Variants in CCDC178 observed in about 807,000 individuals in gnomAD.
CCDC178 encodes coiled-coil domain containing 178.
A neutral mutation model predicts 117.4 loss-of-function variants in CCDC178; 126 were observed. The observed-to-expected ratio is 1.07, with a 90% CI of 0.93 to 1.24. The LOEUF (loss-of-function observed/expected upper bound fraction) is 1.24, where lower values mean the gene tolerates loss of function less well. Among genes scored for constraint, CCDC178 ranks in the 50% most tolerant of loss-of-function variants. The pLI is 0.00. For synonymous variants in CCDC178, 283 were observed against 313.4 expected (o/e 0.90, Z 1.02); for missense variants, 1,030 against 986.9 (o/e 1.04, Z -0.59).
intron 16 of CCDC178, among the ~76,000 whole-genome samples, chr18:33,225,415 C>T (rs2144632875): frequency 6.6e-6 from 1 of 152,288 alleles, no homozygotes; most frequent in African/African-American, 2.4e-5. Context: ...CCGCCTTGGC[C>T]TCCCAAAGTG....
intron 21 of CCDC178, among the ~76,000 whole-genome samples, chr18:33,090,755 A>G (rs1279192201): frequency 6.6e-6 from 1 of 152,192 alleles, no homozygotes; most frequent in Non-Finnish European, 1.5e-5. Flanking sequence ...GGAAGTACAA[A>G]TAAATCTTGA....
intron 2 of CCDC178, among the ~76,000 whole-genome samples, chr18:33,428,320 T>C (rs548354346): frequency 5.8e-4 from 89 of 152,254 alleles, no homozygotes; most frequent in African/African-American, 2.1e-3. Flanking sequence ...AATGATAGCT[T>C]ACACTTAAAA....
chr18:33,417,195 G>T (rs2063954546), intron 2 of CCDC178, among the ~76,000 whole-genome samples: 1 of 152,096 alleles, frequency 6.6e-6, no homozygotes, highest in South Asian at 2.1e-4. Context: ...CTACCTAGAT[G>T]TCTCTCAGTG....
chr18:33,300,806 A>T (rs1005258513), intron 11 of CCDC178, among the ~76,000 whole-genome samples: 5 of 152,216 alleles, frequency 3.3e-5, no homozygotes, highest in African/African-American at 1.2e-4. Context: ...CAAATGAATG[A>T]CTTAAAAGTG....
intron 21 of CCDC178, among the ~76,000 whole-genome samples, chr18:33,058,053 T>C (rs1487210445): frequency 6.6e-6 from 1 of 151,734 alleles, no homozygotes; most frequent in Non-Finnish European, 1.5e-5. Flanking sequence ...GCTGATGGGA[T>C]TGTAAAATGG....
chr18:33,401,625 A>C (rs2063710821), intron 3 of CCDC178, among the ~76,000 whole-genome samples: 1 of 152,064 alleles, frequency 6.6e-6, no homozygotes. Context: ...AATATATTAA[A>C]ATTATAAAAA....
At chr18:33,404,364 C>T (rs554607898) in intron 3 of CCDC178, among the ~76,000 whole-genome samples, 1 of 151,626 alleles carries the variant, frequency 6.6e-6, no homozygotes, top group East Asian at 1.9e-4. Flanking sequence ...ACTCTAAAGA[C>T]AGTCTACTAA....
chr18:33,064,476 T>C (rs1160764926), intron 21 of CCDC178, among the ~76,000 whole-genome samples: 1 of 152,232 alleles, frequency 6.6e-6, no homozygotes, highest in Non-Finnish European at 1.5e-5. Context: ...TGAAGACAGA[T>C]CTTTTGAAAT....
intron 21 of CCDC178, among the ~76,000 whole-genome samples, chr18:33,045,384 G>C (rs952946784): frequency 1.1e-4 from 16 of 152,076 alleles, no homozygotes; most frequent in African/African-American, 3.9e-4. Context: ...AGCCATACTT[G>C]TGTGTCTCTA....
In CCDC178 at chr18:33,055,252, G is replaced by T. The variant is rs2056810462; in HGVS notation, c.2388+37509C>A. On this transcript the variant is annotated intron_variant, in intron 21 of 22. Coordinates refer to ENST00000383096, the MANE Select transcript of CCDC178 (RefSeq NM_001105528.4). ...CACTCTGATGATAGTTTATTTTGCT[G>T]TGCAGAAGCTCTTTAGTTTAATTAG... Among the ~76,000 whole-genome samples, 8 of 152,116 alleles carry T rather than the reference G, an allele frequency of 5.3e-5. No individual in the cohort carries two copies. In the South Asian group the frequency reaches 1.7e-3, roughly 32 times the overall value.
intron 22 of CCDC178, among the ~76,000 whole-genome samples, chr18:32,948,882 T>A (rs2054413416): frequency 6.6e-6 from 1 of 152,114 alleles, no homozygotes. Flanking sequence ...CTATCTAGTG[T>A]CATTTTGTCC....
chr18:33,413,191 A>G (rs1177463974), intron 2 of CCDC178, among the ~76,000 whole-genome samples: 1 of 152,194 alleles, frequency 6.6e-6, no homozygotes, highest in African/African-American at 2.4e-5. Flanking sequence ...TACAAGTCAG[A>G]AAATCTTGAC....
chr18:33,108,952 C>T (rs2057743697), intron 20 of CCDC178, among the ~76,000 whole-genome samples: 1 of 151,624 alleles, frequency 6.6e-6, no homozygotes, highest in African/African-American at 2.4e-5. Context: ...CAAGGTCTTG[C>T]TTCTTCCTTC....
At chr18:33,145,464 T>G (rs2058256589) in intron 20 of CCDC178, among the ~76,000 whole-genome samples, 1 of 152,188 alleles carries the variant, frequency 6.6e-6, no homozygotes, top group African/African-American at 2.4e-5. Context: ...AAGTATGATT[T>G]ATTGGGTATA....
intron 20 of CCDC178, among the ~76,000 whole-genome samples, chr18:33,155,239 A>G (rs1021190795): frequency 2.0e-4 from 31 of 152,172 alleles, no homozygotes; most frequent in Non-Finnish European, 1.5e-5. Context: ...TTGTGAATTA[A>G]AGAACACATT....
intron 11 of CCDC178, among the ~76,000 whole-genome samples, chr18:33,316,947 G>A (rs1412373796): frequency 6.6e-6 from 1 of 152,116 alleles, no homozygotes; most frequent in Non-Finnish European, 1.5e-5. Flanking sequence ...CTCAGGGATT[G>A]TAAACGCACC....
chr18:33,385,303 T>C (rs927493869), intron 5 of CCDC178, among the ~76,000 whole-genome samples: 3 of 152,164 alleles, frequency 2.0e-5, no homozygotes. Context: ...ATTAGACAGA[T>C]CATTGAGACA....
intron 21 of CCDC178, among the ~76,000 whole-genome samples, chr18:32,985,060 A>T (rs2055234744): frequency 6.6e-6 from 1 of 151,984 alleles, no homozygotes; most frequent in Non-Finnish European, 1.5e-5. Context: ...ATGCTTTAAA[A>T]ATTACATTTA....
chr18:33,420,014 T>C (rs1039864123), intron 2 of CCDC178, among the ~76,000 whole-genome samples: 1 of 151,928 alleles, frequency 6.6e-6, no homozygotes. Flanking sequence ...TGCAACACTA[T>C]GCACAATAGC....
Sources: gnomAD v4.1 joint callset for allele counts (sites outside exome capture counted in the v4.1 genomes callset) on GRCh38, gnomAD v4.1.1 for gene constraint, MANE v1.5 for transcripts, NCBI Gene and HGNC (gene_info 2026-07-23, HGNC 2026-07-21) for gene names.